Variants in KIF6 observed in about 807,000 individuals in gnomAD.
KIF6 encodes kinesin family member 6.
A neutral mutation model predicts 112.7 loss-of-function variants in KIF6; 106 were observed. The ratio of observed to expected loss-of-function variants is 0.94; its 90% CI spans 0.80 to 1.11. The LOEUF is 1.11. Ranked by LOEUF, KIF6 falls within the 50% of genes least tolerant of loss-of-function variation. The pLI, the probability that KIF6 is intolerant of heterozygous loss-of-function variation, is 0.00. For missense variants in KIF6, 929 were observed against 964.0 expected, an observed-to-expected ratio of 0.96 and a Z score of 0.48; for synonymous variants, 339 against 339.9, an observed-to-expected ratio of 1.00 and a Z score of 0.03.
chr6:39,500,208 T>C (rs114945500), intron 13 of KIF6, among the ~76,000 whole-genome samples: 3,616 of 152,246 alleles, frequency 0.024, 49 homozygotes, highest in Non-Finnish European at 0.04. Flanking sequence ...ATCCAGGCAG[T>C]GCCAATGGCA....
chr6:39,335,185 T>C lies in KIF6; in HGVS notation c.*1347A>G, dbSNP rs1762871681. On this transcript the variant is annotated 3_prime_UTR_variant, in exon 23 of 23. Transcript: ENST00000287152. ...TTCGGAAGGATAACATGTCAGATAG[T>C]GATGCAGAAAAAATGGTAATGGGAT... 6.6e-6 allele frequency: 1 copy of C among 151,978 alleles called. No individual in the cohort carries two copies. Among genetic ancestry groups the C allele is most frequent in the African/African-American group, 2.4e-5 (1 of 41,344 alleles). 9.4% of individuals were successfully genotyped at this position (151,978 alleles called of 1,614,324 possible). A position where few individuals can be genotyped will look rare whatever the true frequency, so the allele number is the denominator to read the frequency against.
intron 8 of KIF6, 47 bp from the exon 9 acceptor site, chr6:39,585,031 A>G: frequency 9.5e-7 from 1 of 1,053,624 alleles, no homozygotes; most frequent in African/African-American, 1.6e-5. Flanking sequence ...ATAGAGAGAT[A>G]TTTCTTTCTA....
chr6:39,373,972 T>A (rs561720261), intron 16 of KIF6, among the ~76,000 whole-genome samples: 1 of 152,266 alleles, frequency 6.6e-6, no homozygotes, highest in Non-Finnish European at 1.5e-5. Context: ...TCTCTGTTTT[T>A]AAAATTTACT....
chr6:39,394,515 G>A (rs533502191), intron 15 of KIF6, among the ~76,000 whole-genome samples: 146 of 152,330 alleles, frequency 9.6e-4, no homozygotes, highest in Non-Finnish European at 1.8e-3. Context: ...AGTGAAGGTG[G>A]AAGACAGAGA....
chr6:39,647,706 ATT>A (rs1185142569), intron 3 of KIF6, among the ~76,000 whole-genome samples: 28 of 136,584 alleles, frequency 2.1e-4, no homozygotes, highest in African/African-American at 3.0e-4. Flanking sequence ...GAAGGCCCTG[ATT>A]TTTTTTTTTT....
chr6:39,568,865 T>C (rs1310388018), intron 10 of KIF6, among the ~76,000 whole-genome samples: 1 of 152,194 alleles, frequency 6.6e-6, no homozygotes, highest in Admixed American at 6.5e-5. Flanking sequence ...TTTTTCATTT[T>C]CTAATAAGCA....
chr6:39,589,443 C>A (rs1414109559), intron 7 of KIF6, among the ~76,000 whole-genome samples: 1 of 152,168 alleles, frequency 6.6e-6, no homozygotes, highest in Non-Finnish European at 1.5e-5. Context: ...ATAGCTCGAC[C>A]CCCACTGCGG....
intron 15 of KIF6, among the ~76,000 whole-genome samples, chr6:39,415,883 G>GA (rs1319046203): frequency 6.6e-6 from 1 of 151,686 alleles, no homozygotes; most frequent in Admixed American, 6.6e-5. Flanking sequence ...GGAGTAGGGG[G>GA]AAAAAAACTT....
intron 13 of KIF6, among the ~76,000 whole-genome samples, chr6:39,537,599 C>T (rs1056051859): frequency 5.9e-5 from 9 of 152,024 alleles, no homozygotes; most frequent in Admixed American, 2.0e-4. Flanking sequence ...ATTCCATGCT[C>T]ATGGGTAGGA....
At chr6:39,621,234 T>TACACACACACACACACACAC (rs1477311569) in intron 5 of KIF6, among the ~76,000 whole-genome samples, 4 of 70,428 alleles carry the variant, frequency 5.7e-5, no homozygotes, top group African/African-American at 2.5e-4. Flanking sequence ...CACACACACG[T>TACACACACACACACACACAC]ACACATATAT....
Position 39,360,428 on chromosome 6 carries a change from T to A in KIF6, c.2049A>T (p.Glu683Asp), listed in dbSNP as rs949831826. ...KAKVKLQKEFEVWWAEEATNL... is the reference protein window; with the variant it reads ...KAKVKLQKEFDVWWAEEATNL... The stretch of plus-strand genomic sequence containing the variant: ...TGGTGGCCTCCTCTGCCCACCAGAC[T>A]TCAAACTCTTTCTGTAGCTTCACCT... Residue 683 changes from glutamate (E) to aspartate (D), a missense_variant, in exon 18 of 23, where the codon GAA becomes GAT. Glu to Asp is a conservative substitution (Grantham distance 45). Around this residue, in one of 2 missense-constraint regions of KIF6, gnomAD observed 241 missense variants for 301.4 expected, o/e 0.80. Coordinates refer to ENST00000287152, the MANE Select transcript of KIF6 (RefSeq NM_145027.6). 1 of 1,614,104 alleles carries A rather than the reference T, an allele frequency of 6.2e-7. No individual in the cohort carries two copies. Among genetic ancestry groups the A allele is most frequent in the Non-Finnish European group, 8.5e-7 (1 of 1,180,042 alleles).
At chr6:39,603,713 T>C (rs778927653) in intron 6 of KIF6, among the ~76,000 whole-genome samples, 1 of 152,158 alleles carries the variant, frequency 6.6e-6, no homozygotes, top group Non-Finnish European at 1.5e-5. Context: ...AATTTTTTTC[T>C]GCTTTTAGTT....
intron 16 of KIF6, among the ~76,000 whole-genome samples, chr6:39,366,992 G>C (rs1002137269): frequency 6.6e-6 from 1 of 152,074 alleles, no homozygotes; most frequent in African/African-American, 2.4e-5. Context: ...GAAAGGGTCT[G>C]GGAAAGAAAG....
intron 1 of KIF6, among the ~76,000 whole-genome samples, chr6:39,724,956 C>G (rs1790449229): frequency 6.6e-6 from 1 of 152,220 alleles, no homozygotes; most frequent in Admixed American, 6.5e-5. Context: ...TGAACATGCA[C>G]TAGTCTGCCC....
chr6:39,568,165 G>A (rs535234980), intron 10 of KIF6, among the ~76,000 whole-genome samples: 2 of 152,286 alleles, frequency 1.3e-5, no homozygotes, highest in East Asian at 3.9e-4. Flanking sequence ...GGGAGAGATT[G>A]ACAAAGGACA....
At chr6:39,718,229 C>CAA (rs35872391) in intron 2 of KIF6, among the ~76,000 whole-genome samples, 140 of 58,836 alleles carry the variant, frequency 2.4e-3, no homozygotes, top group Admixed American at 2.9e-3. Context: ...GACTCCATCT[C>CAA]AAAAAAAAAA....
chr6:39,357,759 T>C (rs751614023), intron 18 of KIF6, among the ~76,000 whole-genome samples: 1 of 152,140 alleles, frequency 6.6e-6, no homozygotes, highest in Non-Finnish European at 1.5e-5. Flanking sequence ...TTGATGTAAT[T>C]CTTAAGGGGA....
At chr6:39,590,451 A>ATTTTTT (rs58169713) in intron 7 of KIF6, among the ~76,000 whole-genome samples, 20 of 84,750 alleles carry the variant, frequency 2.4e-4, no homozygotes, top group African/African-American at 9.1e-4. Flanking sequence ...ATATATATAT[A>ATTTTTT]TTTTTTTTTT....
chr6:39,569,079 C>T (rs908897141), intron 10 of KIF6, among the ~76,000 whole-genome samples: 4 of 152,064 alleles, frequency 2.6e-5, no homozygotes, highest in African/African-American at 4.8e-5. Context: ...GAGTGCAATC[C>T]GGAGGGCTTG....
Sources: allele counts gnomAD v4.1 joint callset (sites outside exome capture counted in the v4.1 genomes callset), GRCh38; gene constraint gnomAD v4.1.1; regional missense constraint gnomAD v4.1.1; transcripts MANE v1.5; gene names NCBI Gene and HGNC (gene_info 2026-07-23, HGNC 2026-07-21).